ATRNL1: variants seen among roughly 807,000 people sequenced by gnomAD.
The protein encoded by ATRNL1 is attractin like 1.
ATRNL1 carries 95 observed loss-of-function variants against 182.7 expected under a neutral mutation model. That is an observed-to-expected ratio of 0.52 (90% CI 0.44 to 0.62). The LOEUF is 0.62. ATRNL1 is among the 20% of genes least tolerant of loss of function. ATRNL1 has a pLI of 0.00. For missense variants in ATRNL1, 1,471 were observed against 1,679.5 expected (o/e 0.88, Z 2.17); for synonymous variants, 576 against 568.3 (o/e 1.01, Z -0.19).
intron 26 of ATRNL1, among the ~76,000 whole-genome samples, chr10:115,596,966 A>G (rs1387726131): frequency 2.8e-5 from 4 of 145,078 alleles, no homozygotes; most frequent in East Asian, 4.4e-4. Context: ...TTGGTTGCCA[A>G]TAAGTATGAA....
chr10:115,527,882 C>T (rs1208255779), intron 25 of ATRNL1, among the ~76,000 whole-genome samples: 134 of 94,978 alleles, frequency 1.4e-3, no homozygotes, highest in South Asian at 5.4e-3. Context: ...TTCCCTCCCT[C>T]CCTCCTTCCC....
At chr10:115,403,223 A>G (rs1310638144) in intron 20 of ATRNL1, among the ~76,000 whole-genome samples, 10 of 125,958 alleles carry the variant, frequency 7.9e-5, no homozygotes, top group African/African-American at 3.8e-5. Context: ...AAAATAATGT[A>G]TCTTGGATCT....
Position 115,879,742 on chromosome 10 carries a change from T to C in ATRNL1, c.4018+31751T>C, listed in dbSNP as rs1157078299. The stretch of plus-strand genomic sequence containing the variant: ...TCACTGTGAGTTTTTTTTAAGGGAA[T>C]ACTAGAGATTCTGGTCCAACTGTGG... On this transcript the variant is annotated intron_variant, in intron 28 of 28. Transcript: ENST00000355044. Among the ~76,000 whole-genome samples the C allele has an allele frequency of 2.0e-5, 3 of 152,184 alleles. No individual in the cohort carries two copies. The East Asian group carries it at 5.8e-4, about 29-fold the overall frequency.
intron 18 of ATRNL1, among the ~76,000 whole-genome samples, chr10:115,332,268 A>G (rs1380914163): frequency 1.3e-5 from 2 of 152,162 alleles, no homozygotes; most frequent in Non-Finnish European, 2.9e-5. Flanking sequence ...TTCTCTTACC[A>G]TCCAACCATA....
At chr10:115,169,608 A>AT in intron 7 of ATRNL1, among the ~76,000 whole-genome samples, 1 of 152,030 alleles carries the variant, frequency 6.6e-6, no homozygotes, top group Non-Finnish European at 1.5e-5. Context: ...ATCCCTTGCA[A>AT]TTTCATATGA....
chr10:115,345,589 T>G (rs1217766564), intron 19 of ATRNL1, among the ~76,000 whole-genome samples: 1 of 152,182 alleles, frequency 6.6e-6, no homozygotes, highest in African/African-American at 2.4e-5. Context: ...ATTTTTGGTT[T>G]TATGAAGGTG....
intron 27 of ATRNL1, among the ~76,000 whole-genome samples, chr10:115,762,207 G>A (rs1555073783): frequency 6.6e-6 from 1 of 152,072 alleles, no homozygotes; most frequent in African/African-American, 2.4e-5. Context: ...AAAACACTAA[G>A]TTTCCTTCTT....
At chr10:115,592,621 A>G (rs1422856454) in intron 26 of ATRNL1, among the ~76,000 whole-genome samples, 3 of 152,186 alleles carry the variant, frequency 2.0e-5, no homozygotes, top group African/African-American at 2.4e-5. Context: ...GTGAACTCAT[A>G]TAATATGTGG....
intron 25 of ATRNL1, among the ~76,000 whole-genome samples, chr10:115,537,827 G>T (rs967297059): frequency 1.5e-4 from 23 of 152,004 alleles, no homozygotes; most frequent in African/African-American, 4.8e-4. Context: ...GCTCTCCCAG[G>T]ATACAGAACA....
At chr10:115,741,445 C>G (rs1948137104) in intron 27 of ATRNL1, among the ~76,000 whole-genome samples, 1 of 152,034 alleles carries the variant, frequency 6.6e-6, no homozygotes, top group South Asian at 2.1e-4. Flanking sequence ...AGTGAGAAGG[C>G]CACATTCACC....
chr10:115,325,680 T>C (rs1385727801), intron 18 of ATRNL1, among the ~76,000 whole-genome samples: 2 of 152,174 alleles, frequency 1.3e-5, no homozygotes, highest in Admixed American at 1.3e-4. Flanking sequence ...TTCAGAATTT[T>C]TCTTATTCAG....
intron 27 of ATRNL1, among the ~76,000 whole-genome samples, chr10:115,793,708 A>G (rs1204502969): frequency 6.6e-6 from 1 of 152,152 alleles, no homozygotes; most frequent in Non-Finnish European, 1.5e-5. Flanking sequence ...CACTATATTT[A>G]TGTACCATCA....
chr10:115,608,397 C>T (rs1317546281), intron 26 of ATRNL1, among the ~76,000 whole-genome samples: 1 of 151,952 alleles, frequency 6.6e-6, no homozygotes, highest in African/African-American at 2.4e-5. Flanking sequence ...CAGATCTGAA[C>T]TATGAAGTTC....
intron 20 of ATRNL1, among the ~76,000 whole-genome samples, chr10:115,397,178 A>G (rs533424698): frequency 3.3e-5 from 5 of 152,060 alleles, no homozygotes; most frequent in African/African-American, 1.2e-4. Context: ...AAATCAGTAA[A>G]CAATTATTAA....
At chr10:115,531,097 T>C (rs1851553712) in intron 25 of ATRNL1, among the ~76,000 whole-genome samples, 1 of 152,074 alleles carries the variant, frequency 6.6e-6, no homozygotes, top group Non-Finnish European at 1.5e-5. Flanking sequence ...TATGTGTGCA[T>C]GTGTCTTTAT....
intron 8 of ATRNL1, among the ~76,000 whole-genome samples, chr10:115,189,342 C>T (rs1554889386): frequency 6.6e-6 from 1 of 151,506 alleles, no homozygotes; most frequent in African/African-American, 2.4e-5. Flanking sequence ...TTTCTACTTA[C>T]AAGAAAAAAA....
intron 21 of ATRNL1, among the ~76,000 whole-genome samples, chr10:115,430,020 G>T (rs535624058): frequency 6.6e-6 from 1 of 152,216 alleles, no homozygotes; most frequent in South Asian, 2.1e-4. Flanking sequence ...GCAGTGAGCC[G>T]AGATCGCGCC....
intron 5 of ATRNL1, among the ~76,000 whole-genome samples, chr10:115,144,913 A>G (rs1471612586): frequency 1.5e-5 from 1 of 66,954 alleles, no homozygotes. Flanking sequence ...CATTTTATTA[A>G]TAAAAAATTG....
At chr10:115,807,102 G>C (rs113189847) in intron 27 of ATRNL1, among the ~76,000 whole-genome samples, 6,931 of 150,246 alleles carry the variant, frequency 0.046, 464 homozygotes, top group African/African-American at 0.15. Flanking sequence ...TTGTACTCAG[G>C]TACTTTTTTT....
Sources: allele counts gnomAD v4.1 joint callset (sites outside exome capture counted in the v4.1 genomes callset), GRCh38; gene constraint gnomAD v4.1.1; transcripts MANE v1.5; gene names NCBI Gene and HGNC (gene_info 2026-07-23, HGNC 2026-07-21).